The following RPS6KA2 variants were observed in gnomAD, a reference collection of about 807,000 sequenced individuals.
RPS6KA2 encodes the protein ribosomal protein S6 kinase A2, also known as ribosomal protein S6 kinase alpha-2.
A neutral mutation model predicts 91.8 loss-of-function variants in RPS6KA2; 42 were observed. That is an observed-to-expected ratio of 0.46 (90% confidence interval 0.36 to 0.59). The LOEUF (loss-of-function observed/expected upper bound fraction) is 0.59. Among genes scored for constraint, RPS6KA2 ranks in the 20% least tolerant of loss-of-function variants. RPS6KA2 has a pLI of 0.00. For missense variants in RPS6KA2, 798 were observed against 978.5 expected, an observed-to-expected ratio of 0.82 and a Z score of 2.46; for synonymous variants, 414 against 393.6, an observed-to-expected ratio of 1.05 and a Z score of -0.61.
intron 2 of RPS6KA2, among the ~76,000 whole-genome samples, chr6:166,711,784 A>AAG (rs71032874): frequency 1.0e-3 from 17 of 16,852 alleles, no homozygotes; most frequent in African/African-American, 1.2e-3. Context: ...TGAAGAAAGA[A>AAG]AGAGAGAGAG....
chr6:166,765,181 G>C (rs1321491510), intron 2 of RPS6KA2, among the ~76,000 whole-genome samples: 2 of 133,148 alleles, frequency 1.5e-5, no homozygotes, highest in African/African-American at 6.6e-5. Flanking sequence ...TGGCCAGCCA[G>C]CATGGGTAGT....
At chr6:166,828,542 A>G (rs1780103146) in intron 2 of RPS6KA2, among the ~76,000 whole-genome samples, 1 of 152,244 alleles carries the variant, frequency 6.6e-6, no homozygotes, top group Non-Finnish European at 1.5e-5. Flanking sequence ...AATCTAACAG[A>G]GCTTGAGATA....
chr6:166,534,746 G>C (rs1783426544), intron 2 of RPS6KA2, among the ~76,000 whole-genome samples: 1 of 152,140 alleles, frequency 6.6e-6, no homozygotes, highest in Non-Finnish European at 1.5e-5. Context: ...CCATACTTTT[G>C]CTTTTTAAAA....
rs561422381 is a variant in RPS6KA2 at position 166,751,765 on chromosome 6, A to G, written c.123+106435T>C. 2.0e-5 allele frequency among the ~76,000 whole-genome samples: 3 copies of G among 152,386 alleles called. No homozygotes were observed. In the South Asian group the frequency reaches 6.2e-4, roughly 32 times the overall value. On this transcript the variant is annotated intron_variant, in intron 2 of 21. Coordinates refer to the RPS6KA2 transcript ENST00000503859. The stretch of plus-strand genomic sequence containing the variant: ...AATAGTCAGCCGATTTGGGGATTCT[A>G]TGCAAAGCCAAACAGTGGCACAGAC...
chr6:166,605,578 C>T (rs967833530), intron 1 of RPS6KA2, among the ~76,000 whole-genome samples: 3 of 152,086 alleles, frequency 2.0e-5, no homozygotes, highest in African/African-American at 7.2e-5. Context: ...AAAAAATTAG[C>T]ATGTAGAATG....
rs192229619 is a variant in RPS6KA2 at position 166,534,981 on chromosome 6, G to A, written c.217-3668C>T. ...ACAGGGATCTTGACCCTTGGGTGCC[G>A]TGCAGTTCCCTCTCCCTCTCTGCTG... On this transcript the variant is annotated intron_variant, in intron 2 of 20. Transcript: ENST00000265678. Among the ~76,000 whole-genome samples, 634 of 152,354 alleles carry A rather than the reference G, an allele frequency of 4.2e-3. 1 individual carries two copies. Among genetic ancestry groups the A allele is most frequent in the Non-Finnish European group, 6.8e-3 (466 of 68,042 alleles).
intron 1 of RPS6KA2, among the ~76,000 whole-genome samples, chr6:166,598,268 G>A (rs1785610459): frequency 6.6e-6 from 1 of 152,152 alleles, no homozygotes; most frequent in African/African-American, 2.4e-5. Flanking sequence ...CTGCTGTTCA[G>A]GATAATGCCT....
chr6:166,592,590 C>T (rs113866698), intron 1 of RPS6KA2, among the ~76,000 whole-genome samples: 7,100 of 152,036 alleles, frequency 0.047, 215 homozygotes, highest in Non-Finnish European at 0.071. Flanking sequence ...TGTGAATCAG[C>T]GCCTGTCCTT....
At chr6:166,425,368 G>A (rs986345419) in intron 16 of RPS6KA2, among the ~76,000 whole-genome samples, 6 of 151,718 alleles carry the variant, frequency 4.0e-5, no homozygotes, top group South Asian at 2.1e-4. Context: ...AAAGACCATC[G>A]AGACTAGGAA....
intron 2 of RPS6KA2, among the ~76,000 whole-genome samples, chr6:166,681,189 T>C (rs1362929387): frequency 1.3e-5 from 2 of 152,208 alleles, no homozygotes; most frequent in Non-Finnish European, 2.9e-5. Flanking sequence ...CAAGGAAGGA[T>C]GTACCAAAAC....
At chr6:166,513,380 C>T (rs116027647) in intron 3 of RPS6KA2, among the ~76,000 whole-genome samples, 89 of 152,346 alleles carry the variant, frequency 5.8e-4, no homozygotes, top group African/African-American at 2.0e-3. Flanking sequence ...CTTATCACTT[C>T]TGCCCAAGGG....
At chr6:166,859,287 C>G (rs1263829109) in intron 1 of RPS6KA2, among the ~76,000 whole-genome samples, 2 of 152,182 alleles carry the variant, frequency 1.3e-5, no homozygotes, top group Non-Finnish European at 2.9e-5. Flanking sequence ...CAAGAGAACA[C>G]AAATAAAATG....
Position 166,433,291 on chromosome 6 carries a change from C to G in RPS6KA2, c.1333-801G>C, listed in dbSNP as rs1434326176. Among the ~76,000 whole-genome samples, 1 of 152,146 alleles carries G rather than the reference C, an allele frequency of 6.6e-6. No homozygotes were observed. Among genetic ancestry groups the G allele is most frequent in the Non-Finnish European group, 1.5e-5 (1 of 68,020 alleles). Reference sequence around the variant, plus strand: ...GCTGTTTAGACATATGCAAGCTCCCCTCCCCCGCCCAGCATCTGTATCCGA... The same window carrying G: ...GCTGTTTAGACATATGCAAGCTCCCGTCCCCCGCCCAGCATCTGTATCCGA... On this transcript the variant is annotated intron_variant, in intron 14 of 20. Transcript: ENST00000265678. This position sits in a 1 kb window ranked among gnomAD's most constrained non-coding sequence, Gnocchi z 4.4.
intron 1 of RPS6KA2, among the ~76,000 whole-genome samples, chr6:166,623,352 C>T (rs1019263119): frequency 6.6e-6 from 1 of 152,366 alleles, no homozygotes; most frequent in South Asian, 2.1e-4. Context: ...TGAGGCTCTA[C>T]TGGCGTGTGG....
chr6:166,424,539 G>A (rs1778841670), intron 16 of RPS6KA2, among the ~76,000 whole-genome samples: 1 of 152,214 alleles, frequency 6.6e-6, no homozygotes, highest in Non-Finnish European at 1.5e-5. Context: ...TCCCTGTGAG[G>A]CCAGGGCTGG....
chr6:166,832,143 C>T (rs966124321), intron 2 of RPS6KA2, among the ~76,000 whole-genome samples: 1 of 152,036 alleles, frequency 6.6e-6, no homozygotes, highest in Non-Finnish European at 1.5e-5. Context: ...ATATAAGATG[C>T]GTACCAGATT....
chr6:166,427,122 C>T, intron 16 of RPS6KA2, among the ~76,000 whole-genome samples: 1 of 152,222 alleles, frequency 6.6e-6, no homozygotes, highest in East Asian at 1.9e-4. Context: ...TGGGCTTCAT[C>T]CCTGGGATGC....
At chr6:166,442,418 C>T (rs879672511) in intron 14 of RPS6KA2, among the ~76,000 whole-genome samples, 4 of 152,194 alleles carry the variant, frequency 2.6e-5, no homozygotes, top group Non-Finnish European at 4.4e-5. Context: ...CGACTTCTCG[C>T]ATATGTGTTG....
chr6:166,704,250 C>T (rs1789614008), intron 2 of RPS6KA2, among the ~76,000 whole-genome samples: 2 of 152,156 alleles, frequency 1.3e-5, no homozygotes, highest in South Asian at 4.1e-4. Context: ...AGTATGTAGC[C>T]AAGGTGACCC....
Sources: allele counts gnomAD v4.1 joint callset (sites outside exome capture counted in the v4.1 genomes callset), GRCh38; gene constraint gnomAD v4.1.1; non-coding constraint Gnocchi (gnomAD v3.1); transcripts MANE v1.5; gene names NCBI Gene and HGNC (gene_info 2026-07-23, HGNC 2026-07-21).